The following PPFIBP1 variants were observed in gnomAD, a reference collection of about 807,000 sequenced individuals.
The protein encoded by PPFIBP1 is PPFIB scaffold protein 1, also known as liprin-beta-1.
PPFIBP1 carries 112 observed loss-of-function variants against 137.8 expected under a neutral mutation model. The ratio of observed to expected loss-of-function variants is 0.81; its 90% confidence interval spans 0.70 to 0.95. The LOEUF (loss-of-function observed/expected upper bound fraction) is 0.95. Among genes scored for constraint, PPFIBP1 ranks in the 40% least tolerant of loss-of-function variants. The probability of loss-of-function intolerance (pLI) is 0.00; values close to 1 mark genes in which losing one functional copy is unlikely to be tolerated. For missense variants in PPFIBP1, 1,083 were observed against 1,196.6 expected (o/e 0.91, Z 1.40); for synonymous variants, 378 against 417.3 (o/e 0.91, Z 1.15).
At chr12:27,646,999 G>GTTTTGT (rs746414973) in intron 5 of PPFIBP1, among the ~76,000 whole-genome samples, 1 of 152,100 alleles carries the variant, frequency 6.6e-6, no homozygotes, top group Non-Finnish European at 1.5e-5. Flanking sequence ...AATTCCCTGG[G>GTTTTGT]TTTTGTTTTT....
intron 1 of PPFIBP1, among the ~76,000 whole-genome samples, chr12:27,575,140 CT>C (rs1487212107): frequency 6.6e-6 from 1 of 152,176 alleles, no homozygotes; most frequent in African/African-American, 2.4e-5. Flanking sequence ...ACATTTTATA[CT>C]TGTGGATCTT....
In PPFIBP1 at chr12:27,563,869, C is replaced by CT. The variant is rs570467910; in HGVS notation, c.-123-14269dup. Among the ~76,000 whole-genome samples the CT allele has an allele frequency of 4.2e-3, 600 of 142,894 alleles. 4 individuals are homozygous for CT. The highest frequency in any genetic ancestry group is 8.1e-3 in the African/African-American group (312 of 38,634). The allele number at this position is 142,894 out of a possible 152,430, so 93.7% of individuals were successfully genotyped here. ...GGGCAAGCCAGCCATAAACACTTCCCTTTTTTTTTTTTTTCTTTTTTGAGA... is the reference window on the plus strand; with the variant it reads ...GGGCAAGCCAGCCATAAACACTTCCCTTTTTTTTTTTTTTTCTTTTTTGAGA... On this transcript the variant is annotated intron_variant, in intron 1 of 29. Coordinates refer to ENST00000228425, the MANE Select transcript of PPFIBP1 (RefSeq NM_003622.4).
intron 24 of PPFIBP1, 119 bp downstream of exon 24, chr12:27,682,822 T>C (rs2060957202): frequency 1.3e-6 from 2 of 1,521,332 alleles, no homozygotes; most frequent in Non-Finnish European, 8.9e-7. Flanking sequence ...AAGCTGTTGC[T>C]TGAACTTGAG....
chr12:27,557,610 A>G (rs2048810050), intron 1 of PPFIBP1, among the ~76,000 whole-genome samples: 19 of 152,234 alleles, frequency 1.2e-4, no homozygotes, highest in Admixed American at 1.2e-3. Context: ...AAAAGTCTAT[A>G]GAATGATATT....
At chr12:27,623,094 G>A (rs1328242307) in intron 2 of PPFIBP1, among the ~76,000 whole-genome samples, 1 of 152,088 alleles carries the variant, frequency 6.6e-6, no homozygotes, top group Non-Finnish European at 1.5e-5. Flanking sequence ...CATGTAGCCT[G>A]CATACATTAG....
intron 27 of PPFIBP1, 27 bp from the exon 28 acceptor site, chr12:27,691,722 A>C: frequency 6.3e-7 from 1 of 1,583,834 alleles, no homozygotes; most frequent in South Asian, 1.2e-5. Context: ...AATCCTTTGG[A>C]TGTTTTTGTT....
Position 27,688,493 on chromosome 12 carries a change from A to G in PPFIBP1, c.2496+70A>G, listed in dbSNP as rs373989138. The G allele has an allele frequency of 1.2e-4, 188 of 1,556,042 alleles. 1 individual carries two copies. Among genetic ancestry groups the G allele is most frequent in the South Asian group, 6.6e-4 (54 of 81,718 alleles). ...TAGTCTAGTCAGTAGGATATTATCAATTTTTGCTTATCATAATCCTAAAGT... is the reference window on the plus strand; with the variant it reads ...TAGTCTAGTCAGTAGGATATTATCAGTTTTTGCTTATCATAATCCTAAAGT... On this transcript the variant is annotated intron_variant, in intron 26 of 29. Coordinates refer to ENST00000228425, the MANE Select transcript of PPFIBP1 (RefSeq NM_003622.4).
chr12:27,691,495 G>T (rs1333456307), intron 27 of PPFIBP1, among the ~76,000 whole-genome samples: 1 of 152,144 alleles, frequency 6.6e-6, no homozygotes, highest in Non-Finnish European at 1.5e-5. Context: ...GCGTGAATAA[G>T]AAGAATAAGG....
chr12:27,559,637 C>G (rs781377487), intron 1 of PPFIBP1, among the ~76,000 whole-genome samples: 3 of 152,146 alleles, frequency 2.0e-5, no homozygotes, highest in Non-Finnish European at 2.9e-5. Context: ...GGGGAAAAAA[C>G]GCCAACCCAA....
intron 17 of PPFIBP1, among the ~76,000 whole-genome samples, chr12:27,674,483 G>C (rs2060381646): frequency 6.6e-6 from 1 of 152,156 alleles, no homozygotes. Flanking sequence ...AGGGTAAGGG[G>C]TTTTGCTTTC....
At chr12:27,568,916 C>T (rs375918273) in intron 1 of PPFIBP1, among the ~76,000 whole-genome samples, 4 of 152,112 alleles carry the variant, frequency 2.6e-5, no homozygotes. Flanking sequence ...TTATGCACCC[C>T]CTGCCACTTT....
At chr12:27,646,848 A>G (rs2058535019) in intron 5 of PPFIBP1, among the ~76,000 whole-genome samples, 1 of 152,168 alleles carries the variant, frequency 6.6e-6, no homozygotes, top group Non-Finnish European at 1.5e-5. Context: ...ATTGAGGAAA[A>G]ACTCAAAGAT....
chr12:27,689,021 G>C lies in PPFIBP1; in HGVS notation c.2503G>C (p.Glu835Gln). The change falls in exon 27 of 30, where the codon GAG (glutamate) becomes CAG (glutamine). Residue 835 changes from glutamate (E) to glutamine (Q), a missense_variant. Coordinates refer to ENST00000228425, the MANE Select transcript of PPFIBP1 (RefSeq NM_003622.4). Reference sequence around the variant, plus strand: ...TTTTTTTTTCTTTAAACAGGTTCTAGAGCCTCGTTTTAACGTAGAAACAAT... The same window carrying C: ...TTTTTTTTTCTTTAAACAGGTTCTACAGCCTCGTTTTAACGTAGAAACAAT... ...SGVHGGLMVL[E>Q]PRFNVETMAQ... 6.2e-7 allele frequency: 1 copy of C among 1,610,258 alleles called. No homozygotes were observed. Among genetic ancestry groups the C allele is most frequent in the Non-Finnish European group, 8.5e-7 (1 of 1,178,434 alleles).
rs2058623320 is a variant in PPFIBP1, at chr12:27,647,756, G to C, written c.385G>C (p.Ala129Pro). 1 of 1,609,552 alleles carries C rather than the reference G, an allele frequency of 6.2e-7. No homozygotes were observed. Among genetic ancestry groups the C allele is most frequent in the Non-Finnish European group, 8.5e-7 (1 of 1,178,102 alleles). ...AAGTGTGTTAACAGACCAGGTGGAG[G>C]CTCAGGGAGAGAAGATTCGAGATTT... Reference protein sequence around the residue: ...QVSVLTDQVEAQGEKIRDLEF... With the variant: ...QVSVLTDQVEPQGEKIRDLEF... The change falls in exon 6 of 30, where the codon GCT (alanine) becomes CCT (proline). Residue 129 changes from alanine to proline, a missense_variant. Physicochemically the swap from Ala to Pro is conservative, Grantham distance 27. Coordinates refer to ENST00000228425, the MANE Select transcript of PPFIBP1 (RefSeq NM_003622.4).
Position 27,678,717 on chromosome 12 carries a change from G to A in PPFIBP1, c.1616-772G>A, listed in dbSNP as rs190876839. Among the ~76,000 whole-genome samples the A allele has an allele frequency of 2.7e-3, 415 of 152,128 alleles. 3 individuals are homozygous for A. Among genetic ancestry groups the A allele is most frequent in the African/African-American group, 9.6e-3 (400 of 41,492 alleles). On this transcript the variant is annotated intron_variant, in intron 19 of 29. Transcript: ENST00000228425. ...TACTAAAAATACAAAAATTAGCCAGGTGTGGTGGCGGGTGCCTGTAATCCC... is the reference window on the plus strand; with the variant it reads ...TACTAAAAATACAAAAATTAGCCAGATGTGGTGGCGGGTGCCTGTAATCCC...
chr12:27,655,275 C>A lies in PPFIBP1; in HGVS notation c.696+461C>A, dbSNP rs1334061031. 7 of 1,303,920 alleles carry A rather than the reference C, an allele frequency of 5.4e-6. No individual in the cohort carries two copies. In the South Asian group the frequency reaches 7.6e-5, roughly 14 times the overall value. 80.8% of individuals were successfully genotyped at this position (1,303,920 alleles called of 1,614,324 possible). On this transcript the variant is annotated intron_variant, in intron 8 of 29. Coordinates refer to ENST00000228425, the MANE Select transcript of PPFIBP1 (RefSeq NM_003622.4). The stretch of plus-strand genomic sequence containing the variant: ...GGGTGATGGGGTCCATGGCCTGTTG[C>A]TTTCTGGCTTGTGTTGTTTTGCTGT...
chr12:27,526,048 C>T (rs1452600244), intron 1 of PPFIBP1, among the ~76,000 whole-genome samples: 1 of 152,162 alleles, frequency 6.6e-6, no homozygotes, highest in African/African-American at 2.4e-5. Context: ...TATTTATGTT[C>T]TATGGGGAGT....
intron 2 of PPFIBP1, among the ~76,000 whole-genome samples, chr12:27,631,340 C>T (rs2057250848): frequency 6.6e-6 from 1 of 152,086 alleles, no homozygotes; most frequent in Admixed American, 6.6e-5. Flanking sequence ...AGTCTTTGGC[C>T]TTTGATTCTA....
chr12:27,596,714 A>G (rs967689884), intron 2 of PPFIBP1, among the ~76,000 whole-genome samples: 5 of 151,864 alleles, frequency 3.3e-5, no homozygotes, highest in African/African-American at 1.2e-4. Context: ...AACACTTATT[A>G]TATGCCAGAT....
Sources: allele counts gnomAD v4.1 joint callset (sites outside exome capture counted in the v4.1 genomes callset), GRCh38; gene constraint gnomAD v4.1.1; transcripts MANE v1.5; gene names NCBI Gene and HGNC (gene_info 2026-07-23, HGNC 2026-07-21).